SMC1B: variants seen among roughly 807,000 people sequenced by gnomAD.
SMC1B encodes the protein structural maintenance of chromosomes protein 1B.
A neutral mutation model predicts 157.9 loss-of-function variants in SMC1B; 60 were observed. The ratio of observed to expected loss-of-function variants is 0.38; its 90% confidence interval spans 0.31 to 0.47. The LOEUF is 0.47. SMC1B is among the 20% of genes least tolerant of loss of function. SMC1B has a pLI of 0.99. For synonymous variants in SMC1B, 445 were observed against 483.0 expected (o/e 0.92, Z 1.03); for missense variants, 1,165 against 1,426.2 (o/e 0.82, Z 2.95).
chr22:45,377,721 A>C (rs2086896997), intron 12 of SMC1B, among the ~76,000 whole-genome samples: 1 of 152,006 alleles, frequency 6.6e-6, no homozygotes, highest in South Asian at 2.1e-4. Flanking sequence ...TTTTAAATAG[A>C]GATGGGGTCT....
intron 5 of SMC1B, 104 bp from the exon 6 acceptor site, chr22:45,399,457 A>G: frequency 8.7e-7 from 1 of 1,146,402 alleles, no homozygotes. Flanking sequence ...AATCCTAAAA[A>G]TCAACTTTCA....
chr22:45,344,356 AC>A lies in SMC1B; in HGVS notation c.*199del. On this transcript the variant is annotated 3_prime_UTR_variant, in exon 25 of 25. Coordinates refer to ENST00000357450, the MANE Select transcript of SMC1B (RefSeq NM_148674.5). ...AAAAACTCATTTGACACCAGCTCTC[AC>A]TGAAAACTTTCCCTACTAGAATGAG... is the stretch of plus-strand genomic sequence containing the variant. 1 of 396,260 alleles carries A rather than the reference AC, an allele frequency of 2.5e-6. No individual in the cohort carries two copies. The highest frequency in any genetic ancestry group is 4.5e-6 in the Non-Finnish European group (1 of 221,526). 24.5% of individuals were successfully genotyped at this position (396,260 alleles called of 1,614,324 possible). A position where few individuals can be genotyped will look rare whatever the true frequency, so the allele number is the denominator to read the frequency against.
At chr22:45,386,813 T>C in intron 11 of SMC1B, 54 bp downstream of exon 11, 2 of 1,505,098 alleles carry the variant, frequency 1.3e-6, no homozygotes, top group Non-Finnish European at 1.8e-6. Context: ...TATGCTAGTC[T>C]TATAAATACT....
At chr22:45,382,905 A>G (rs941454618) in intron 12 of SMC1B, among the ~76,000 whole-genome samples, 5 of 152,154 alleles carry the variant, frequency 3.3e-5, no homozygotes, top group Non-Finnish European at 5.9e-5. Context: ...AGGCCAAGGC[A>G]GGCGGATCAA....
At chr22:45,407,746 C>A (rs915243523) in intron 2 of SMC1B, among the ~76,000 whole-genome samples, 1 of 151,894 alleles carries the variant, frequency 6.6e-6, no homozygotes, top group Admixed American at 6.6e-5. Flanking sequence ...CCATGCCCAG[C>A]CTATATTATC....
intron 5 of SMC1B, among the ~76,000 whole-genome samples, chr22:45,400,040 C>T (rs150677178): frequency 2.0e-5 from 3 of 152,208 alleles, no homozygotes; most frequent in African/African-American, 7.2e-5. Context: ...TCAATATGAA[C>T]TCATGTTTAG....
At chr22:45,357,927 C>G (rs972351553) in intron 19 of SMC1B, among the ~76,000 whole-genome samples, 1 of 152,152 alleles carries the variant, frequency 6.6e-6, no homozygotes, top group African/African-American at 2.4e-5. Context: ...AGGAACCAAC[C>G]AGGTGATTGG....
chr22:45,392,627 T>C (rs1466223920), intron 9 of SMC1B, among the ~76,000 whole-genome samples: 1 of 152,052 alleles, frequency 6.6e-6, no homozygotes, highest in African/African-American at 2.4e-5. Flanking sequence ...ACAGATGCTA[T>C]AAAGGAGATG....
rs549503294 is a variant in SMC1B at position 45,407,466 on chromosome 22, C to CT, written c.299-602dup. Among the ~76,000 whole-genome samples the CT allele has an allele frequency of 0.012, 1,746 of 149,050 alleles. 61 individuals are homozygous for CT. The East Asian group carries it at 0.13, about 11-fold the overall frequency. ...ATTGTCTCCTCTGCACTATCTTTAT[C>CT]TTTTTTTTTTTCTGAGACAGGGTCT... is the stretch of plus-strand genomic sequence containing the variant. On this transcript the variant is annotated intron_variant, in intron 2 of 24. Coordinates refer to ENST00000357450, the MANE Select transcript of SMC1B (RefSeq NM_148674.5).
At chr22:45,352,326 G>T in intron 22 of SMC1B, 125 bp downstream of exon 22, 2 of 827,750 alleles carry the variant, frequency 2.4e-6, no homozygotes, top group Non-Finnish European at 3.5e-6. Flanking sequence ...TTGTCTGGCT[G>T]AAGAAGATAG....
intron 23 of SMC1B, 76 bp downstream of exon 23, chr22:45,349,652 G>C: frequency 7.4e-7 from 1 of 1,358,360 alleles, no homozygotes; most frequent in Non-Finnish European, 1.0e-6. Flanking sequence ...GATTTTTAAT[G>C]AGCATTTTCC....
chr22:45,395,882 G>T (rs1396978846), intron 7 of SMC1B, among the ~76,000 whole-genome samples: 1 of 152,062 alleles, frequency 6.6e-6, no homozygotes, highest in Non-Finnish European at 1.5e-5. Context: ...AGTTATATGA[G>T]GAAGAAATTA....
chr22:45,349,742 T>C lies in SMC1B; in HGVS notation c.3481A>G (p.Thr1161Ala). 1 of 1,612,868 alleles carries C rather than the reference T, an allele frequency of 6.2e-7. No individual in the cohort carries two copies. Among genetic ancestry groups the C allele is most frequent in the Non-Finnish European group, 8.5e-7 (1 of 1,179,576 alleles). Residue 1161 changes from threonine to alanine, a missense_variant, in exon 23 of 25, where the codon ACT becomes GCT. Transcript: ENST00000357450. The part of the protein sequence containing the change: ...LDEVDAALDN[T>A]NIGKVSSYIK... The stretch of plus-strand genomic sequence containing the variant: ...CAGAAACTTACTTTGCCTATGTTAG[T>C]ATTGTCTAGGGCTGCATCCACTTCA...
intron 12 of SMC1B, among the ~76,000 whole-genome samples, chr22:45,380,419 T>G (rs1275914625): frequency 6.6e-6 from 1 of 152,204 alleles, no homozygotes; most frequent in Non-Finnish European, 1.5e-5. Flanking sequence ...CTTCTCTATG[T>G]TCTTTTCCTC....
chr22:45,377,600 G>C (rs189392495), intron 12 of SMC1B, among the ~76,000 whole-genome samples: 3 of 148,384 alleles, frequency 2.0e-5, no homozygotes, highest in African/African-American at 7.5e-5. Context: ...ATCACCCACT[G>C]TACTCTAGCC....
rs371911028 is a variant in SMC1B, at chr22:45,393,836, C to T, written c.1343G>A (p.Cys448Tyr). Residue 448 changes from cysteine (C) to tyrosine (Y), a missense_variant, in exon 9 of 25, where the codon TGC (cysteine) becomes TAC (tyrosine). Transcript: ENST00000357450. ...CTCTTGCTGTTTTTTCTCTTTCAAG[C>T]AATCCCTACAAAATAACAACAAATT... ...LEEYTKTCMD[C>Y]LKEKKQQEET... is the part of the protein sequence containing the mutation. The T allele has an allele frequency of 6.2e-7, 1 of 1,603,698 alleles. No homozygotes were observed. The highest frequency in any genetic ancestry group is 8.5e-7 in the Non-Finnish European group (1 of 1,174,448).
chr22:45,344,554 C>T lies in SMC1B; in HGVS notation c.*2G>A, dbSNP rs2086531318. On this transcript the variant is annotated 3_prime_UTR_variant, in exon 25 of 25. Transcript: ENST00000357450. Reference sequence around the variant, plus strand: ...GATCAGGTGACTGCTGCAGGACTGCCCCTAGCGGGACTCTCCGTGTCTCTT... The same window carrying T: ...GATCAGGTGACTGCTGCAGGACTGCTCCTAGCGGGACTCTCCGTGTCTCTT... The T allele has an allele frequency of 6.2e-7, 1 of 1,607,622 alleles. No homozygotes were observed. The highest frequency in any genetic ancestry group is 1.3e-5 in the African/African-American group (1 of 74,902).
chr22:45,390,381 T>C (rs751052248), intron 9 of SMC1B, among the ~76,000 whole-genome samples: 4 of 152,154 alleles, frequency 2.6e-5, no homozygotes, highest in Non-Finnish European at 5.9e-5. Context: ...TCTGAGAATA[T>C]TTAACAGGGA....
intron 7 of SMC1B, 36 bp from the exon 8 acceptor site, chr22:45,394,803 C>A: frequency 6.8e-7 from 1 of 1,469,958 alleles, no homozygotes. Flanking sequence ...TCAATTACGG[C>A]AATTCCAAAC....
Sources: gnomAD v4.1 joint callset for allele counts (sites outside exome capture counted in the v4.1 genomes callset) on GRCh38, gnomAD v4.1.1 for gene constraint, MANE v1.5 for transcripts, NCBI Gene and HGNC (gene_info 2026-07-23, HGNC 2026-07-21) for gene names.